The following ZNRF3 variants were observed in gnomAD, a reference collection of about 807,000 sequenced individuals.
ZNRF3 encodes the protein E3 ubiquitin-protein ligase ZNRF3.
A neutral mutation model predicts 72.5 loss-of-function variants in ZNRF3; 23 were observed. The observed-to-expected ratio is 0.32, with a 90% confidence interval of 0.23 to 0.45. The LOEUF (loss-of-function observed/expected upper bound fraction) is 0.45. ZNRF3 is among the 20% of genes least tolerant of loss of function. ZNRF3 has a pLI of 1.00. For missense variants in ZNRF3, 1,169 were observed against 1,272.1 expected (o/e 0.92, Z 1.23); for synonymous variants, 610 against 545.3 (o/e 1.12, Z -1.65).
intron 2 of ZNRF3, among the ~76,000 whole-genome samples, chr22:29,004,852 C>G (rs1324522207): frequency 5.3e-5 from 8 of 152,196 alleles, no homozygotes; most frequent in Non-Finnish European, 1.2e-4. Context: ...TGATGAGGTG[C>G]TGAATAGGAC....
intron 2 of ZNRF3, among the ~76,000 whole-genome samples, chr22:29,023,788 C>T (rs1373295602): frequency 2.0e-5 from 3 of 152,226 alleles, no homozygotes; most frequent in Admixed American, 6.5e-5. Context: ...ATGTCCCAGC[C>T]ACCTGGTAGG....
chr22:28,954,977 A>G (rs540155254), intron 1 of ZNRF3, among the ~76,000 whole-genome samples: 30 of 151,826 alleles, frequency 2.0e-4, no homozygotes, highest in African/African-American at 6.8e-4. Context: ...CTTGTCCACT[A>G]AAAGATATAA....
At chr22:28,974,537 T>C (rs2035635468) in intron 1 of ZNRF3, among the ~76,000 whole-genome samples, 1 of 152,202 alleles carries the variant, frequency 6.6e-6, no homozygotes, top group Non-Finnish European at 1.5e-5. Flanking sequence ...TTTAAATGAG[T>C]AGTAGAATCC....
intron 1 of ZNRF3, among the ~76,000 whole-genome samples, chr22:28,962,442 C>G (rs905967314): frequency 6.6e-6 from 1 of 152,192 alleles, no homozygotes; most frequent in African/African-American, 2.4e-5. Flanking sequence ...GTAATGTTCT[C>G]TGGGTCAGCT....
intron 2 of ZNRF3, among the ~76,000 whole-genome samples, chr22:28,999,308 TG>T (rs1222613884): frequency 6.6e-6 from 1 of 151,794 alleles, no homozygotes; most frequent in Admixed American, 6.6e-5. Flanking sequence ...CACTTCAGCC[TG>T]GGCGACAGAA....
chr22:28,891,905 G>A (rs915798093), intron 1 of ZNRF3, among the ~76,000 whole-genome samples: 1 of 152,002 alleles, frequency 6.6e-6, no homozygotes, highest in African/African-American at 2.4e-5. Context: ...TCACAAAGAG[G>A]GACCAGTGAC....
rs2033707252 is a variant in ZNRF3 at position 28,883,627 on chromosome 22, C to G, written c.-140C>G. The G allele has an allele frequency of 3.5e-6, 3 of 847,482 alleles. No homozygotes were observed. The highest frequency in any genetic ancestry group is 1.8e-5 in the African/African-American group (1 of 54,532). 52.5% of individuals were successfully genotyped at this position (847,482 alleles called of 1,614,324 possible). A position where few individuals can be genotyped will look rare whatever the true frequency, so the allele number is the denominator to read the frequency against. ...GCCGCGGCGCGACGGCCGGGGGAGCCGAGCTGAGCCTGCGACCCACAAAGC... is the reference window on the plus strand; with the variant it reads ...GCCGCGGCGCGACGGCCGGGGGAGCGGAGCTGAGCCTGCGACCCACAAAGC... On this transcript the variant is annotated 5_prime_UTR_variant, in exon 1 of 9. Coordinates refer to ENST00000544604, the MANE Select transcript of ZNRF3 (RefSeq NM_001206998.2). The surrounding 1 kb of genome is among the most constrained non-coding windows in gnomAD (Gnocchi z 5.5).
intron 2 of ZNRF3, among the ~76,000 whole-genome samples, chr22:29,021,073 G>T (rs1052694330): frequency 6.6e-6 from 1 of 151,990 alleles, no homozygotes; most frequent in Non-Finnish European, 1.5e-5. Flanking sequence ...TGGGATTACA[G>T]GCGTGAGCCA....
intron 5 of ZNRF3, among the ~76,000 whole-genome samples, chr22:29,045,455 A>G (rs532134377): frequency 2.0e-5 from 3 of 151,850 alleles, no homozygotes; most frequent in South Asian, 2.1e-4. Flanking sequence ...CATTGGGAAT[A>G]TCTCCAGCAG....
intron 2 of ZNRF3, among the ~76,000 whole-genome samples, chr22:28,997,918 C>G (rs117254256): frequency 0.013 from 1,862 of 143,986 alleles, 42 homozygotes; most frequent in South Asian, 0.059. Context: ...ATGGGAGGAT[C>G]ATTTGAGCCC....
chr22:29,029,742 G>C (rs1329842288), intron 2 of ZNRF3, among the ~76,000 whole-genome samples: 1 of 152,096 alleles, frequency 6.6e-6, no homozygotes, highest in Non-Finnish European at 1.5e-5. Context: ...CCTCCTCCGT[G>C]AGCGAAGGTT....
At chr22:28,942,121 T>C (rs1437643131) in intron 1 of ZNRF3, among the ~76,000 whole-genome samples, 2 of 152,232 alleles carry the variant, frequency 1.3e-5, no homozygotes, top group Non-Finnish European at 1.5e-5. Context: ...GCCAAATGTG[T>C]ACCTCTAGCC....
chr22:29,051,603 TAAAAAA>T lies in ZNRF3; in HGVS notation c.2767+671_2767+676del, dbSNP rs1212194016. Among the ~76,000 whole-genome samples, 4 of 105,024 alleles carry T rather than the reference TAAAAAA, an allele frequency of 3.8e-5. No individual in the cohort carries two copies. In the East Asian group the frequency reaches 1.1e-3, roughly 28 times the overall value. The allele number at this position is 105,024 out of a possible 152,430, so 68.9% of individuals were successfully genotyped here. On this transcript the variant is annotated intron_variant, in intron 8 of 8. Coordinates refer to ENST00000544604, the MANE Select transcript of ZNRF3 (RefSeq NM_001206998.2). The stretch of plus-strand genomic sequence containing the variant: ...TGGGTGACAGAGCGAGACTCTGTCT[TAAAAAA>T]AAAAAAAAAAAAAAAGGCAGGACCC...
At chr22:29,036,724 A>G (rs919442754) in intron 2 of ZNRF3, among the ~76,000 whole-genome samples, 3 of 152,242 alleles carry the variant, frequency 2.0e-5, no homozygotes, top group African/African-American at 7.2e-5. Flanking sequence ...GAAACTAGAA[A>G]TGAAAACCAG....
At chr22:28,978,746 A>G (rs773550359) in intron 1 of ZNRF3, among the ~76,000 whole-genome samples, 15 of 152,136 alleles carry the variant, frequency 9.9e-5, no homozygotes, top group Admixed American at 2.0e-4. Flanking sequence ...ACCATTTTCA[A>G]TTCTTTAGTG....
intron 1 of ZNRF3, among the ~76,000 whole-genome samples, chr22:28,966,108 G>A (rs949888388): frequency 6.6e-6 from 1 of 152,150 alleles, no homozygotes; most frequent in Non-Finnish European, 1.5e-5. Flanking sequence ...TGCATCTCCT[G>A]TCTACTTTCA....
At chr22:28,967,620 T>G (rs1208150963) in intron 1 of ZNRF3, among the ~76,000 whole-genome samples, 6 of 152,114 alleles carry the variant, frequency 3.9e-5, no homozygotes, top group Non-Finnish European at 8.8e-5. Flanking sequence ...AGGGGTGAAT[T>G]TATGGATTTA....
chr22:28,969,090 A>T (rs920016942), intron 1 of ZNRF3, among the ~76,000 whole-genome samples: 5 of 152,128 alleles, frequency 3.3e-5, no homozygotes, highest in African/African-American at 1.2e-4. Flanking sequence ...TGTGAGCTGT[A>T]ATTGTCAGAT....
chr22:28,902,159 A>T (rs2034119712), intron 1 of ZNRF3, among the ~76,000 whole-genome samples: 1 of 150,828 alleles, frequency 6.6e-6, no homozygotes. Context: ...CTGGTCTTGA[A>T]CTCCTGACCT....
Sources: allele counts gnomAD v4.1 joint callset (sites outside exome capture counted in the v4.1 genomes callset), GRCh38; gene constraint gnomAD v4.1.1; non-coding constraint Gnocchi (gnomAD v3.1); transcripts MANE v1.5; gene names NCBI Gene and HGNC (gene_info 2026-07-23, HGNC 2026-07-21).